TRIO: variants seen among roughly 807,000 people sequenced by gnomAD.
TRIO encodes trio Rho guanine nucleotide exchange factor, also known as triple functional domain protein.
In TRIO, 58 loss-of-function variants were observed where a neutral mutation model predicts 351.9. The ratio of observed to expected loss-of-function variants is 0.16; its 90% confidence interval spans 0.13 to 0.21. TRIO has a LOEUF of 0.21. Ranked by LOEUF, TRIO falls within the 10% of genes least tolerant of loss-of-function variation. The pLI is 1.00. For missense variants in TRIO, 3,201 were observed against 4,027.8 expected, an observed-to-expected ratio of 0.79 and a Z score of 5.56; for synonymous variants, 1,758 against 1,595.7, an observed-to-expected ratio of 1.10 and a Z score of -2.42.
At chr5:14,344,535 CAA>C (rs760219039) in intron 11 of TRIO, among the ~76,000 whole-genome samples, 1 of 152,152 alleles carries the variant, frequency 6.6e-6, no homozygotes, top group African/African-American at 2.4e-5. Flanking sequence ...GAAAGTGAGA[CAA>C]ATTAAATTAC....
At chr5:14,235,617 T>G (rs1482634985) in intron 1 of TRIO, among the ~76,000 whole-genome samples, 5 of 152,152 alleles carry the variant, frequency 3.3e-5, no homozygotes, top group African/African-American at 1.2e-4. Context: ...TGGTAGAATT[T>G]TGGTTGTTCT....
At chr5:14,336,133 A>T (rs1364399055) in intron 10 of TRIO, among the ~76,000 whole-genome samples, 1 of 152,214 alleles carries the variant, frequency 6.6e-6, no homozygotes, top group Non-Finnish European at 1.5e-5. Flanking sequence ...GCATTGTATC[A>T]TACGGAAAGA....
At chr5:14,202,319 TTTTTTTTTTTTGC>T (rs1561196323) in intron 1 of TRIO, among the ~76,000 whole-genome samples, 1 of 110,934 alleles carries the variant, frequency 9.0e-6, no homozygotes, top group South Asian at 3.3e-4. Flanking sequence ...TTTTTTTTTT[TTTTTTTTTTTTGC>T]TCATCAGCTA....
chr5:14,436,388 A>G (rs1179770677), intron 34 of TRIO, among the ~76,000 whole-genome samples: 4 of 152,084 alleles, frequency 2.6e-5, no homozygotes, highest in Non-Finnish European at 5.9e-5. Flanking sequence ...CCCTCCCACA[A>G]CACGTGGGAA....
chr5:14,355,210 T>C (rs1743507437), intron 11 of TRIO, among the ~76,000 whole-genome samples: 1 of 152,220 alleles, frequency 6.6e-6, no homozygotes, highest in Admixed American at 6.5e-5. Flanking sequence ...ATGGATGTTT[T>C]TGATTAAATA....
chr5:14,163,858 G>C lies in TRIO; in HGVS notation c.157+19976G>C, dbSNP rs1004150613. 1.3e-4 allele frequency among the ~76,000 whole-genome samples: 20 copies of C among 152,132 alleles called. No individual in the cohort carries two copies. In the East Asian group the frequency reaches 2.5e-3, roughly 19 times the overall value. On this transcript the variant is annotated intron_variant, in intron 1 of 56. Transcript: ENST00000344204. ...ATTCTCACATGCTTGAAGTATTCAG[G>C]AATCTTAAATAGGCTCTTCATACAT...
chr5:14,320,892 A>T (rs960534384), intron 9 of TRIO, among the ~76,000 whole-genome samples: 5 of 152,172 alleles, frequency 3.3e-5, no homozygotes, highest in African/African-American at 1.2e-4. Context: ...ATAAATTTGA[A>T]TCCTCCTTGT....
intron 43 of TRIO, among the ~76,000 whole-genome samples, 186 bp from the exon 44 acceptor site, chr5:14,481,048 G>A (rs1755473231): frequency 6.6e-6 from 1 of 151,950 alleles, no homozygotes; most frequent in Non-Finnish European, 1.5e-5. Context: ...AGGTTAGCTT[G>A]TGTGCATTGT....
intron 19 of TRIO, 123 bp from the exon 20 acceptor site, chr5:14,377,885 ATTCT>A (rs1198428325): frequency 7.3e-6 from 5 of 682,822 alleles, no homozygotes; most frequent in Admixed American, 4.4e-5. Context: ...AAGCAGTGTG[ATTCT>A]TTATTTATCG....
At chr5:14,381,360 G>A in intron 21 of TRIO, 108 bp downstream of exon 21, 2 of 1,364,928 alleles carry the variant, frequency 1.5e-6, no homozygotes, top group Non-Finnish European at 1.9e-6. Flanking sequence ...GACCCAGTGG[G>A]CTGTTCCACA....
intron 1 of TRIO, among the ~76,000 whole-genome samples, chr5:14,250,132 C>T (rs114915766): frequency 1.2e-4 from 18 of 152,304 alleles, no homozygotes; most frequent in African/African-American, 4.1e-4. Context: ...CCCTCTGTAG[C>T]GCAGCCCTGT....
At chr5:14,229,200 G>A (rs1343763629) in intron 1 of TRIO, among the ~76,000 whole-genome samples, 1 of 151,886 alleles carries the variant, frequency 6.6e-6, no homozygotes, top group South Asian at 2.1e-4. Flanking sequence ...CTAGAACAGG[G>A]TATGTCTGAT....
At chr5:14,308,520 C>T (rs1412150257) in intron 8 of TRIO, among the ~76,000 whole-genome samples, 2 of 151,354 alleles carry the variant, frequency 1.3e-5, no homozygotes, top group African/African-American at 2.4e-5. Flanking sequence ...CCCTCCCAAC[C>T]TCCATCCATT....
At chr5:14,369,656 T>C (rs756489942) in intron 18 of TRIO, 133 bp downstream of exon 18, 1 of 1,162,356 alleles carries the variant, frequency 8.6e-7, no homozygotes, top group Non-Finnish European at 1.1e-6. Context: ...CGGGGCAGTG[T>C]CGCATCAGTG....
chr5:14,144,718 C>T lies in TRIO; in HGVS notation c.157+836C>T, dbSNP rs370677810. 6.1e-4 allele frequency among the ~76,000 whole-genome samples: 93 copies of T among 152,020 alleles called. No homozygotes were observed. The East Asian group carries it at 0.018, about 29-fold the overall frequency. On this transcript the variant is annotated intron_variant, in intron 1 of 56. Transcript: ENST00000344204. Reference sequence around the variant, plus strand: ...GGAGAGGCGCGGGTGGCGACCGGTCCGCGGGAGGGGCACCGGGTTTGCTGC... The same window carrying T: ...GGAGAGGCGCGGGTGGCGACCGGTCTGCGGGAGGGGCACCGGGTTTGCTGC...
rs769591904 is a variant in TRIO at position 14,291,162 on chromosome 5, G to T, written c.987G>T (p.Trp329Cys). The T allele has an allele frequency of 1.2e-6, 2 of 1,614,230 alleles. No homozygotes were observed. The highest frequency in any genetic ancestry group is 4.5e-5 in the East Asian group (2 of 44,884). ...HSTRQHLHQMWHVRKLKLDQC... is the reference protein window; with the variant it reads ...HSTRQHLHQMCHVRKLKLDQC... ...CACGGCAGCATCTGCACCAGATGTG[G>T]CATGTGAGGAAGCTGAAGCTGGACC... Residue 329 changes from tryptophan to cysteine, a missense_variant, in exon 5 of 57, where the codon TGG (tryptophan) becomes TGT (cysteine). Trp to Cys is a radical substitution (Grantham distance 215, BLOSUM62 -2). Transcript: ENST00000344204.
At chr5:14,145,297 C>T (rs1179960991) in intron 1 of TRIO, among the ~76,000 whole-genome samples, 1 of 152,208 alleles carries the variant, frequency 6.6e-6, no homozygotes, top group Non-Finnish European at 1.5e-5. Context: ...GTACTGTCTT[C>T]TCTTGGTTGT....
In TRIO at chr5:14,509,322, T is replaced by C. The variant is rs1337060638; in HGVS notation, c.*900T>C. 4.7e-6 allele frequency: 2 copies of C among 425,590 alleles called. No homozygotes were observed. The highest frequency in any genetic ancestry group is 1.7e-5 in the South Asian group (1 of 59,160). 26.4% of individuals were successfully genotyped at this position (425,590 alleles called of 1,614,324 possible). A position where few individuals can be genotyped will look rare whatever the true frequency, so the allele number is the denominator to read the frequency against. On this transcript the variant is annotated 3_prime_UTR_variant, in exon 57 of 57. Coordinates refer to ENST00000344204, the MANE Select transcript of TRIO (RefSeq NM_007118.4). ...CAACTATTTATGAAGACCTCTGTTGTACCTGTAATAAATATATAGAAAAAG... is the reference window on the plus strand; with the variant it reads ...CAACTATTTATGAAGACCTCTGTTGCACCTGTAATAAATATATAGAAAAAG...
chr5:14,492,735 G>A lies in TRIO; in HGVS notation c.7801G>A (p.Ala2601Thr). ...VFRAATDQCP[A>T]AEGWIPGFVL... is the part of the protein sequence containing the mutation. Reference sequence around the variant, plus strand: ...CCGAGCCGCCACTGACCAGTGCCCCGCAGCTGAGGGCTGGATTCCAGGCTT... The same window carrying A: ...CCGAGCCGCCACTGACCAGTGCCCCACAGCTGAGGGCTGGATTCCAGGCTT... The change falls in exon 49 of 57, where the codon GCA (alanine) becomes ACA (threonine). Residue 2601 changes from alanine to threonine, a missense_variant. Around this residue, in one of 19 missense-constraint regions of TRIO, gnomAD observed 1,089 missense variants for 954.9 expected, o/e 1.14. Transcript: ENST00000344204. The A allele has an allele frequency of 1.2e-6, 2 of 1,614,170 alleles. No homozygotes were observed. Among genetic ancestry groups the A allele is most frequent in the Non-Finnish European group, 1.7e-6 (2 of 1,180,018 alleles).
Sources: gnomAD v4.1 joint callset for allele counts (sites outside exome capture counted in the v4.1 genomes callset) on GRCh38, gnomAD v4.1.1 for gene constraint, gnomAD v4.1.1 regional missense constraint, MANE v1.5 for transcripts, NCBI Gene and HGNC (gene_info 2026-07-23, HGNC 2026-07-21) for gene names.